SLCO3A1: variants seen among roughly 807,000 people sequenced by gnomAD.
SLCO3A1 encodes PGE1 transporter.
Under a neutral mutation model 63.1 loss-of-function variants are expected in SLCO3A1, and 27 were observed. The observed-to-expected ratio is 0.43, with a 90% confidence interval of 0.32 to 0.59. The LOEUF (loss-of-function observed/expected upper bound fraction) is 0.59, where lower values mean the gene tolerates loss of function less well. Ranked by LOEUF, SLCO3A1 falls within the 20% of genes least tolerant of loss-of-function variation. SLCO3A1 has a pLI of 0.09. For missense variants in SLCO3A1, 773 were observed against 945.8 expected (o/e 0.82, Z 2.40); for synonymous variants, 473 against 409.9 (o/e 1.15, Z -1.86).
chr15:92,014,948 A>G (rs1005513180), intron 2 of SLCO3A1, among the ~76,000 whole-genome samples: 2 of 152,160 alleles, frequency 1.3e-5, no homozygotes, highest in African/African-American at 4.8e-5. Flanking sequence ...CCTAAGGGGA[A>G]AAGCTCCACT....
chr15:91,957,029 ATATAATATATAG>A (rs1900227199), intron 2 of SLCO3A1, among the ~76,000 whole-genome samples: 3 of 20,694 alleles, frequency 1.4e-4, no homozygotes, highest in African/African-American at 1.3e-3. Context: ...TATATATAAT[ATATAATATATAG>A]TATATATATA....
chr15:92,046,180 A>C (rs1046528961), intron 2 of SLCO3A1, among the ~76,000 whole-genome samples: 1 of 152,140 alleles, frequency 6.6e-6, no homozygotes, highest in Non-Finnish European at 1.5e-5. Flanking sequence ...ATTGTAAGCT[A>C]TATTGGACAG....
chr15:91,879,979 T>C (rs927849893), intron 1 of SLCO3A1, among the ~76,000 whole-genome samples: 5 of 152,010 alleles, frequency 3.3e-5, no homozygotes, highest in African/African-American at 1.2e-4. Flanking sequence ...TAATAAGATA[T>C]TCAGGGCTCT....
At position 92,077,328 on chromosome 15, in the gene SLCO3A1, T is replaced by C. The variant is rs546734140; in HGVS notation, c.647-17553T>C. ...TAATAGCAGGCCTCCCTTCCCTTCT[T>C]GGGCTTTTCGGAGATGGTCATTTTT... On this transcript the variant is annotated intron_variant, in intron 2 of 9. Transcript: ENST00000318445. 3.9e-5 allele frequency among the ~76,000 whole-genome samples: 6 copies of C among 152,292 alleles called. No homozygotes were observed. In the East Asian group the frequency reaches 1.2e-3, roughly 29 times the overall value.
chr15:92,034,515 A>T (rs2046698895), intron 2 of SLCO3A1, among the ~76,000 whole-genome samples: 1 of 151,754 alleles, frequency 6.6e-6, no homozygotes, highest in African/African-American at 2.4e-5. Context: ...GCATGGATGT[A>T]AGAAAAAGGG....
intron 5 of SLCO3A1, among the ~76,000 whole-genome samples, chr15:92,125,825 T>G (rs1008992447): frequency 6.6e-6 from 1 of 151,844 alleles, no homozygotes; most frequent in African/African-American, 2.4e-5. Context: ...GACAGGTGCG[T>G]GCACTTAGAT....
In SLCO3A1 at chr15:91,872,989, C is replaced by A. The variant is rs150326345; in HGVS notation, c.180+18901C>A. On this transcript the variant is annotated intron_variant, in intron 1 of 9. Coordinates refer to ENST00000318445, the MANE Select transcript of SLCO3A1 (RefSeq NM_013272.4). The surrounding 1 kb of genome is among the most constrained non-coding windows in gnomAD (Gnocchi z 4.1). ...TACCTGCGTGCTCAGCACTCACCTGCGTTCCTGATTTGAACAGCCAGCCAC... is the reference window on the plus strand; with the variant it reads ...TACCTGCGTGCTCAGCACTCACCTGAGTTCCTGATTTGAACAGCCAGCCAC... 3.3e-5 allele frequency among the ~76,000 whole-genome samples: 5 copies of A among 152,336 alleles called. No homozygotes were observed. The highest frequency in any genetic ancestry group is 6.5e-5 in the Admixed American group (1 of 15,310).
chr15:92,050,035 A>T (rs906097830), intron 2 of SLCO3A1, among the ~76,000 whole-genome samples: 2 of 152,204 alleles, frequency 1.3e-5, no homozygotes, highest in African/African-American at 4.8e-5. Context: ...GTGCTGTCTG[A>T]GATGTTTCCA....
chr15:92,151,071 G>GT, intron 9 of SLCO3A1, 57 bp downstream of exon 9: 1 of 1,136,614 alleles, frequency 8.8e-7, no homozygotes, highest in East Asian at 2.4e-5. Flanking sequence ...TACTAGGTGA[G>GT]TAACTGTCAG....
intron 1 of SLCO3A1, among the ~76,000 whole-genome samples, chr15:91,874,430 C>T (rs1163213022): frequency 6.6e-6 from 1 of 152,190 alleles, no homozygotes; most frequent in Non-Finnish European, 1.5e-5. Flanking sequence ...CTTCCCCCAG[C>T]CCTGGCCACC....
At chr15:92,146,323 C>T (rs74028826) in intron 7 of SLCO3A1, among the ~76,000 whole-genome samples, 2 of 152,178 alleles carry the variant, frequency 1.3e-5, no homozygotes, top group Admixed American at 1.3e-4. Context: ...ACTTTTCTTT[C>T]TTCTCTCTGA....
At chr15:91,876,279 T>A (rs941595804) in intron 1 of SLCO3A1, among the ~76,000 whole-genome samples, 3 of 152,218 alleles carry the variant, frequency 2.0e-5, no homozygotes, top group Non-Finnish European at 2.9e-5. Flanking sequence ...TGAGATAAAG[T>A]GTGTCAGGTA....
chr15:91,928,037 A>T (rs992623672), intron 2 of SLCO3A1, among the ~76,000 whole-genome samples: 1 of 152,252 alleles, frequency 6.6e-6, no homozygotes, highest in Non-Finnish European at 1.5e-5. Context: ...ACAAGGTAAA[A>T]AGGCTATTAG....
intron 2 of SLCO3A1, among the ~76,000 whole-genome samples, chr15:92,086,718 G>C (rs558841183): frequency 6.6e-6 from 1 of 152,092 alleles, no homozygotes; most frequent in Non-Finnish European, 1.5e-5. Flanking sequence ...GCTCATGCCT[G>C]TAATCCTAGC....
At chr15:91,951,611 A>T (rs1318693616) in intron 2 of SLCO3A1, among the ~76,000 whole-genome samples, 3 of 144,176 alleles carry the variant, frequency 2.1e-5, no homozygotes, top group African/African-American at 7.8e-5. Flanking sequence ...GCTGGAGTGC[A>T]GTGGTACAAT....
intron 2 of SLCO3A1, among the ~76,000 whole-genome samples, chr15:92,084,257 G>A (rs181786768): frequency 6.6e-6 from 1 of 152,098 alleles, no homozygotes; most frequent in Non-Finnish European, 1.5e-5. Context: ...GATTTAAAAC[G>A]TCATAAAAAA....
At chr15:92,168,470 A>G (rs1030506405), downstream of SLCO3A1, among the ~76,000 whole-genome samples, 18 of 152,342 alleles carry the variant, frequency 1.2e-4, no homozygotes, top group South Asian at 3.7e-3. Flanking sequence ...AGGTGAACCA[A>G]TGGGCTATGT....
chr15:92,072,282 T>G (rs1296839522), intron 2 of SLCO3A1, among the ~76,000 whole-genome samples: 1 of 152,148 alleles, frequency 6.6e-6, no homozygotes, highest in African/African-American at 2.4e-5. Flanking sequence ...AAGCCATTAT[T>G]TACTCAACCT....
rs7162591 is a variant in SLCO3A1, at chr15:91,856,681, G to C, written c.180+2593G>C. On this transcript the variant is annotated intron_variant, in intron 1 of 9. Transcript: ENST00000318445. This position sits in a 1 kb window ranked among gnomAD's most constrained non-coding sequence, Gnocchi z 4.9. The stretch of plus-strand genomic sequence containing the variant: ...GGCAGGGTCCACGTGCTAAGTGTGC[G>C]TTATACGTGATCCTTACCTTGGCAA... 1.5e-4 allele frequency among the ~76,000 whole-genome samples: 23 copies of C among 152,106 alleles called. No homozygotes were observed. The highest frequency in any genetic ancestry group is 5.6e-4 in the African/African-American group (23 of 41,402).
Sources: gnomAD v4.1 joint callset for allele counts (sites outside exome capture counted in the v4.1 genomes callset) on GRCh38, gnomAD v4.1.1 for gene constraint, Gnocchi (gnomAD v3.1) non-coding constraint, MANE v1.5 for transcripts, NCBI Gene and HGNC (gene_info 2026-07-23, HGNC 2026-07-21) for gene names.